The following ADGRL2 variants were observed in gnomAD, a reference collection of about 807,000 sequenced individuals.
ADGRL2 encodes adhesion G protein-coupled receptor L2.
In ADGRL2, 44 loss-of-function variants were observed where a neutral mutation model predicts 157.4. The ratio of observed to expected loss-of-function variants is 0.28; its 90% CI spans 0.22 to 0.36. The LOEUF is 0.36. Among genes scored for constraint, ADGRL2 ranks in the 10% least tolerant of loss-of-function variants. The pLI is 1.00. For synonymous variants in ADGRL2, 585 were observed against 624.7 expected (o/e 0.94, Z 0.95); for missense variants, 1,510 against 1,768.9 (o/e 0.85, Z 2.63).
rs756946253 is a variant in ADGRL2, at chr1:81,966,599, C to T, written c.2339C>T (p.Pro780Leu). The change falls in exon 13 of 24, where the codon CCA becomes CTA. Residue 780 changes from proline (P) to leucine (L), a missense_variant. Pro to Leu is a moderately conservative substitution (Grantham distance 98). This residue lies in a region of ADGRL2 where 497 missense variants were observed against 627.2 expected (regional missense o/e 0.79). Coordinates refer to ENST00000686636, the MANE Select transcript of ADGRL2 (RefSeq NM_001366006.2). ...ACTGATCCTGTGCTTTTTACCCTGC[C>T]ACACATTGATGTAAGTTAATGTATG... ...YLTDPVLFTL[P>L]HIDPDNYFNA... 1.2e-6 allele frequency: 2 copies of T among 1,613,470 alleles called. No homozygotes were observed.
Position 81,952,114 on chromosome 1 carries a change from A to C in ADGRL2, c.1766A>C (p.Lys589Thr). 1 of 1,612,794 alleles carries C rather than the reference A, an allele frequency of 6.2e-7. No homozygotes were observed. Among genetic ancestry groups the C allele is most frequent in the Non-Finnish European group, 8.5e-7 (1 of 1,179,222 alleles). The change falls in exon 9 of 24, where the codon AAA (lysine) becomes ACA (threonine). Residue 589 changes from lysine (K) to threonine (T), a missense_variant. Transcript: ENST00000686636. ...CTGCAGGAACTGAAACCTAGTGAAA[A>C]AGATTCAGCTGGACGGAGTTATAAC... ...AQLQELKPSE[K>T]DSAGRSYNKL...
intron 3 of ADGRL2, among the ~76,000 whole-genome samples, chr1:81,935,455 A>G (rs907247037): frequency 8.6e-5 from 13 of 151,948 alleles, no homozygotes; most frequent in African/African-American, 2.7e-4. Flanking sequence ...CTGCTCTTCA[A>G]AGAGAAAGTC....
intron 2 of ADGRL2, among the ~76,000 whole-genome samples, chr1:81,525,856 A>G (rs2079442644): frequency 6.6e-6 from 1 of 152,208 alleles, no homozygotes; most frequent in African/African-American, 2.4e-5. Flanking sequence ...ACAACTTTCA[A>G]ATTACTTGAC....
intron 2 of ADGRL2, among the ~76,000 whole-genome samples, chr1:81,578,985 T>A (rs1407555168): frequency 6.6e-6 from 1 of 152,168 alleles, no homozygotes; most frequent in Non-Finnish European, 1.5e-5. Context: ...AGGATGCTTT[T>A]CCCCAAACAC....
At chr1:81,951,926 T>G in intron 8 of ADGRL2, 31 bp from the exon 9 acceptor site, 1 of 1,532,978 alleles carries the variant, frequency 6.5e-7, no homozygotes, top group Non-Finnish European at 8.8e-7. Flanking sequence ...AAAAAAAAAT[T>G]TAAATGAGAT....
intron 3 of ADGRL2, among the ~76,000 whole-genome samples, chr1:81,581,421 T>G (rs2080904149): frequency 6.6e-6 from 1 of 152,164 alleles, no homozygotes; most frequent in African/African-American, 2.4e-5. Context: ...GCAGCTCCAC[T>G]AAAGAGTAAA....
At chr1:81,898,855 C>T (rs1193421577) in intron 2 of ADGRL2, among the ~76,000 whole-genome samples, 2 of 152,048 alleles carry the variant, frequency 1.3e-5, no homozygotes, top group African/African-American at 4.8e-5. Context: ...TTCTCATTTC[C>T]ATTTTAGGAA....
chr1:81,959,194 T>G (rs1447416345), intron 11 of ADGRL2, among the ~76,000 whole-genome samples: 1 of 152,180 alleles, frequency 6.6e-6, no homozygotes, highest in Non-Finnish European at 1.5e-5. Flanking sequence ...ATTTTATTTT[T>G]AGTGGTTCTT....
chr1:81,328,974 A>T (rs1661088803), intron 1 of ADGRL2, among the ~76,000 whole-genome samples: 1 of 152,022 alleles, frequency 6.6e-6, no homozygotes, highest in Non-Finnish European at 1.5e-5. Flanking sequence ...AAAAAAAAAA[A>T]AATCTATCAA....
intron 1 of ADGRL2, among the ~76,000 whole-genome samples, chr1:81,444,113 T>C (rs1002142881): frequency 1.3e-5 from 2 of 152,220 alleles, no homozygotes; most frequent in African/African-American, 2.4e-5. Flanking sequence ...CTATTGCCAA[T>C]GTATAATAAT....
At chr1:81,353,986 T>A (rs6677125) in intron 1 of ADGRL2, among the ~76,000 whole-genome samples, 134,750 of 152,190 alleles carry the variant, frequency 0.89, 60,230 homozygotes, top group East Asian at 0.99. Flanking sequence ...TAGAATGACA[T>A]GTCTGCAGAG....
intron 2 of ADGRL2, among the ~76,000 whole-genome samples, chr1:81,903,184 C>G (rs2094519817): frequency 6.6e-6 from 1 of 152,150 alleles, no homozygotes; most frequent in African/African-American, 2.4e-5. Flanking sequence ...ACTCATACTT[C>G]AGTGTTCAGT....
chr1:81,307,919 C>T (rs1411271526), intron 1 of ADGRL2, among the ~76,000 whole-genome samples: 2 of 150,778 alleles, frequency 1.3e-5, no homozygotes, highest in African/African-American at 4.9e-5. Flanking sequence ...ATAAAGAAGA[C>T]ATCTACACAA....
chr1:81,396,343 A>G (rs542332281), intron 1 of ADGRL2, among the ~76,000 whole-genome samples: 2 of 152,158 alleles, frequency 1.3e-5, no homozygotes, highest in East Asian at 3.9e-4. Flanking sequence ...TTGCATGTTA[A>G]TTTTGTATCT....
At chr1:81,557,710 G>A (rs1260283111) in intron 2 of ADGRL2, 1 of 152,324 alleles carries the variant, frequency 6.6e-6, no homozygotes, top group Non-Finnish European at 1.5e-5. Context: ...TTACTCCGCC[G>A]AAGTACTGTT....
At chr1:81,412,593 A>T (rs2076965382) in intron 1 of ADGRL2, among the ~76,000 whole-genome samples, 2 of 152,096 alleles carry the variant, frequency 1.3e-5, no homozygotes, top group African/African-American at 2.4e-5. Context: ...GGGGGAAGAG[A>T]CTCCATCTTC....
chr1:81,490,009 A>G (rs1258621119), intron 2 of ADGRL2, among the ~76,000 whole-genome samples: 1 of 118,428 alleles, frequency 8.4e-6, no homozygotes, highest in Non-Finnish European at 1.6e-5. Flanking sequence ...ACTGAAAGCC[A>G]TATGAAGAAA....
At chr1:81,969,062 A>C in intron 14 of ADGRL2, 116 bp from the exon 15 acceptor site, 1 of 737,644 alleles carries the variant, frequency 1.4e-6, no homozygotes, top group South Asian at 1.7e-5. Context: ...ACACATATGA[A>C]TAGTATTCTT....
chr1:81,384,752 C>G (rs2076405194), intron 1 of ADGRL2, among the ~76,000 whole-genome samples: 1 of 152,002 alleles, frequency 6.6e-6, no homozygotes, highest in Non-Finnish European at 1.5e-5. Context: ...ACAACGTATC[C>G]ACAATTACTA....
Sources: gnomAD v4.1 joint callset for allele counts (sites outside exome capture counted in the v4.1 genomes callset) on GRCh38, gnomAD v4.1.1 for gene constraint, gnomAD v4.1.1 regional missense constraint, MANE v1.5 for transcripts, NCBI Gene and HGNC (gene_info 2026-07-23, HGNC 2026-07-21) for gene names.